The following GRXCR1 variants were observed in gnomAD, a reference collection of about 807,000 sequenced individuals.
GRXCR1 encodes glutaredoxin and cysteine rich domain containing 1, also known as glutaredoxin domain-containing cysteine-rich protein 1.
GRXCR1 carries 27 observed loss-of-function variants against 27.3 expected under a neutral mutation model. That is an observed-to-expected ratio of 0.99 (90% confidence interval 0.73 to 1.37). The LOEUF is 1.37. Ranked by LOEUF, GRXCR1 falls within the 40% of genes most tolerant of loss-of-function variation. The probability of loss-of-function intolerance (pLI) is 0.00; values close to 1 mark genes in which losing one functional copy is unlikely to be tolerated. For synonymous variants in GRXCR1, 122 were observed against 131.1 expected (o/e 0.93, Z 0.47); for missense variants, 379 against 354.4 (o/e 1.07, Z -0.56).
rs556182138 is a variant in GRXCR1, at chr4:42,975,694, C to T, written c.627+12560C>T. Among the ~76,000 whole-genome samples the T allele has an allele frequency of 3.3e-5, 5 of 152,222 alleles. No homozygotes were observed. In the South Asian group the frequency reaches 8.3e-4, roughly 25 times the overall value. On this transcript the variant is annotated intron_variant, in intron 2 of 3. Transcript: ENST00000399770. ...AGTAATCCTGTAGCATTACCAGTAGCATCTTACCCTTGGTCCATTGGTTAA... is the reference window on the plus strand; with the variant it reads ...AGTAATCCTGTAGCATTACCAGTAGTATCTTACCCTTGGTCCATTGGTTAA...
At chr4:42,903,123 C>G (rs1416261991) in intron 1 of GRXCR1, among the ~76,000 whole-genome samples, 12 of 152,084 alleles carry the variant, frequency 7.9e-5, no homozygotes, top group Non-Finnish European at 1.8e-4. Flanking sequence ...ATTTGCCTCT[C>G]TCAGTGCCTG....
At chr4:42,919,062 G>C (rs565719504) in intron 1 of GRXCR1, among the ~76,000 whole-genome samples, 131 of 151,942 alleles carry the variant, frequency 8.6e-4, no homozygotes, top group South Asian at 5.6e-3. Context: ...TAATACTTTG[G>C]GTTAAAAAAA....
chr4:42,907,511 T>C (rs1277050629), intron 1 of GRXCR1, among the ~76,000 whole-genome samples: 2 of 152,270 alleles, frequency 1.3e-5, no homozygotes, highest in African/African-American at 4.8e-5. Flanking sequence ...GCACTGTATT[T>C]TCAGTCCCTG....
intron 1 of GRXCR1, among the ~76,000 whole-genome samples, chr4:42,953,881 T>G (rs1241872226): frequency 1.3e-5 from 2 of 152,042 alleles, no homozygotes; most frequent in Non-Finnish European, 2.9e-5. Context: ...TTCTATGCAT[T>G]TAATCATTCA....
chr4:42,974,235 G>T (rs13138434), intron 2 of GRXCR1, among the ~76,000 whole-genome samples: 7,111 of 152,116 alleles, frequency 0.047, 212 homozygotes, highest in African/African-American at 0.078. Context: ...ATTGGTCAGG[G>T]TAGGAGGGAT....
At chr4:42,995,558 C>T (rs982077694) in intron 2 of GRXCR1, among the ~76,000 whole-genome samples, 17 of 152,132 alleles carry the variant, frequency 1.1e-4, no homozygotes, top group Admixed American at 6.5e-5. Flanking sequence ...ATCCTCACTG[C>T]AGGAGATTAT....
At chr4:42,902,230 C>T (rs1309878052) in intron 1 of GRXCR1, among the ~76,000 whole-genome samples, 1 of 152,034 alleles carries the variant, frequency 6.6e-6, no homozygotes, top group Non-Finnish European at 1.5e-5. Flanking sequence ...AATGAAGCAA[C>T]AAATGTTTGG....
intron 3 of GRXCR1, among the ~76,000 whole-genome samples, chr4:43,026,995 T>C (rs952020863): frequency 5.3e-5 from 8 of 152,212 alleles, no homozygotes; most frequent in African/African-American, 1.9e-4. Flanking sequence ...TTTCTTACAG[T>C]GGCAAAACCT....
chr4:42,919,912 G>A (rs138637826), intron 1 of GRXCR1, among the ~76,000 whole-genome samples: 1 of 152,204 alleles, frequency 6.6e-6, no homozygotes, highest in African/African-American at 2.4e-5. Flanking sequence ...ATCATATAAT[G>A]TGGTTTGCGG....
Position 43,030,446 on chromosome 4 carries a change from T to C in GRXCR1, c.779T>C (p.Met260Thr), listed in dbSNP as rs751196701. The change falls in exon 4 of 4, where the codon ATG (methionine) becomes ACG (threonine). Residue 260 changes from methionine to threonine, a missense_variant. By Grantham distance (81) the Met-to-Thr change is moderately conservative (BLOSUM62 -1). Transcript: ENST00000399770. ...GTGTGCCATGGGAGCAAGATGTCCA[T>C]GTTTCGAAACTGCTTCACAGACTCT... ...CSVCHGSKMSMFRNCFTDSFK... is the reference protein window; with the variant it reads ...CSVCHGSKMSTFRNCFTDSFK... 8.7e-6 allele frequency: 14 copies of C among 1,614,096 alleles called. No homozygotes were observed. The South Asian group carries it at 1.4e-4, about 16-fold the overall frequency.
At chr4:42,980,732 G>C (rs1430532811) in intron 2 of GRXCR1, among the ~76,000 whole-genome samples, 6 of 152,024 alleles carry the variant, frequency 3.9e-5, no homozygotes, top group Non-Finnish European at 1.5e-5. Flanking sequence ...AAGCGGGATA[G>C]TGAAGTCTCC....
chr4:42,988,183 T>C (rs1007706027), intron 2 of GRXCR1, among the ~76,000 whole-genome samples: 1 of 152,208 alleles, frequency 6.6e-6, no homozygotes, highest in African/African-American at 2.4e-5. Flanking sequence ...TTGCTGAGAA[T>C]CCTGGCTTCA....
intron 1 of GRXCR1, among the ~76,000 whole-genome samples, chr4:42,930,460 G>T (rs1041238514): frequency 2.0e-5 from 3 of 151,904 alleles, no homozygotes; most frequent in African/African-American, 7.2e-5. Context: ...ATGTGCAATA[G>T]GTTATATTCA....
chr4:42,999,559 G>A (rs1395430483), intron 2 of GRXCR1, among the ~76,000 whole-genome samples: 1 of 152,112 alleles, frequency 6.6e-6, no homozygotes, highest in African/African-American at 2.4e-5. Flanking sequence ...ATACAACAGT[G>A]AGGCCATTCT....
chr4:42,934,240 T>TTATATATATATA (rs3072842), intron 1 of GRXCR1, among the ~76,000 whole-genome samples: 8 of 146,440 alleles, frequency 5.5e-5, no homozygotes, highest in African/African-American at 2.0e-4. Context: ...TGATGTGATA[T>TTATATATATATA]TATATATATA....
At chr4:42,913,351 T>C (rs1746770548) in intron 1 of GRXCR1, among the ~76,000 whole-genome samples, 1 of 152,160 alleles carries the variant, frequency 6.6e-6, no homozygotes, top group African/African-American at 2.4e-5. Context: ...AGATTGACAA[T>C]GAAGTCCAGG....
At chr4:42,973,601 C>A (rs910658878) in intron 2 of GRXCR1, among the ~76,000 whole-genome samples, 3 of 152,050 alleles carry the variant, frequency 2.0e-5, no homozygotes, top group African/African-American at 7.2e-5. Flanking sequence ...TTGACTCCAC[C>A]TACTTTCTCT....
At chr4:42,932,449 C>T (rs926032213) in intron 1 of GRXCR1, among the ~76,000 whole-genome samples, 32 of 2,348 alleles carry the variant, frequency 0.014, no homozygotes, top group African/African-American at 0.017. Flanking sequence ...TGTTTCACCG[C>T]AGTTTGCCAT....
At chr4:42,987,230 T>TATATATATATATA (rs1560676802) in intron 2 of GRXCR1, among the ~76,000 whole-genome samples, 11 of 85,522 alleles carry the variant, frequency 1.3e-4, no homozygotes, top group Admixed American at 4.4e-4. Flanking sequence ...TATTATATAT[T>TATATATATATATA]ATATATATAT....
Sources: gnomAD v4.1 joint callset for allele counts (sites outside exome capture counted in the v4.1 genomes callset) on GRCh38, gnomAD v4.1.1 for gene constraint, MANE v1.5 for transcripts, NCBI Gene and HGNC (gene_info 2026-07-23, HGNC 2026-07-21) for gene names.